NEDD4L: variants seen among roughly 807,000 people sequenced by gnomAD.
NEDD4L encodes E3 ubiquitin-protein ligase NEDD4-like.
In NEDD4L, 54 loss-of-function variants were observed where a neutral mutation model predicts 148.9. That is an observed-to-expected ratio of 0.36 (90% CI 0.29 to 0.45). The LOEUF is 0.45. Ranked by LOEUF, NEDD4L falls within the 20% of genes least tolerant of loss-of-function variation. The pLI, the probability that NEDD4L is intolerant of heterozygous loss-of-function variation, is 1.00. For missense variants in NEDD4L, 856 were observed against 1,233.8 expected (o/e 0.69, Z 4.59); for synonymous variants, 433 against 440.7 (o/e 0.98, Z 0.22).
intron 2 of NEDD4L, among the ~76,000 whole-genome samples, chr18:58,243,533 C>T (rs2046889957): frequency 1.3e-5 from 2 of 152,074 alleles, no homozygotes; most frequent in South Asian, 2.1e-4. Flanking sequence ...GGAGCGGGGC[C>T]CAGTTATCTG....
intron 2 of NEDD4L, among the ~76,000 whole-genome samples, chr18:58,241,941 C>G (rs1359935114): frequency 6.6e-6 from 1 of 151,912 alleles, no homozygotes; most frequent in Admixed American, 6.5e-5. Flanking sequence ...ATTGAGCTTC[C>G]TAGAGAGTCA....
At chr18:58,082,102 A>ATATATATAT in intron 1 of NEDD4L, among the ~76,000 whole-genome samples, 16 of 48,832 alleles carry the variant, frequency 3.3e-4, no homozygotes, top group Admixed American at 1.0e-3. Context: ...ATATATATAT[A>ATATATATAT]TTTTTTTTTT....
At chr18:58,058,939 C>T (rs898448799) in intron 1 of NEDD4L, among the ~76,000 whole-genome samples, 3 of 152,182 alleles carry the variant, frequency 2.0e-5, no homozygotes, top group African/African-American at 7.2e-5. Context: ...TCCCAAGCAC[C>T]GAATCAGACC....
At position 58,149,646 on chromosome 18, in the gene NEDD4L, A is replaced by G. The variant is rs183283408; in HGVS notation, c.49-16142A>G. On this transcript the variant is annotated intron_variant, in intron 1 of 30. Coordinates refer to ENST00000400345, the MANE Select transcript of NEDD4L (RefSeq NM_001144967.3). ...AAGCTCTCCACATCCACCCATAGTC[A>G]TGATTGTGTTATATGACCTCAAGAT... The G allele has an allele frequency of 5.8e-6, 5 of 859,668 alleles. No homozygotes were observed. In the East Asian group the frequency reaches 1.1e-4, roughly 18 times the overall value. The allele number at this position is 859,668 out of a possible 1,614,324, so 53.3% of individuals were successfully genotyped here.
In NEDD4L at chr18:58,351,043, A is replaced by C; in HGVS notation, c.1706A>C (p.His569Pro). ...HLDGRTFYIDHNSKITQWEDP... is the reference protein window; with the variant it reads ...HLDGRTFYIDPNSKITQWEDP... ...GATGGCCGAACGTTTTATATTGATC[A>C]TAGTAAGTAGGCGCTGTTATGGACA... Residue 569 changes from histidine (H) to proline (P), a missense_variant and splice_region_variant, in exon 18 of 31, where the codon CAT becomes CCT. His to Pro is a moderately conservative substitution (Grantham distance 77). Around this residue, in one of 4 missense-constraint regions of NEDD4L, gnomAD observed 286 missense variants for 531.8 expected, o/e 0.54. Transcript: ENST00000400345. The C allele has an allele frequency of 1.3e-6, 2 of 1,589,608 alleles. No homozygotes were observed. Among genetic ancestry groups the C allele is most frequent in the Non-Finnish European group, 1.7e-6 (2 of 1,166,906 alleles).
intron 30 of NEDD4L, among the ~76,000 whole-genome samples, chr18:58,395,384 C>G (rs9962071): frequency 0.031 from 4,769 of 152,230 alleles, 227 homozygotes; most frequent in East Asian, 0.2. Context: ...GCCCACTGAT[C>G]CGATCCACTT....
At chr18:58,335,616 G>C in intron 13 of NEDD4L, 79 bp downstream of exon 13, 1 of 1,070,426 alleles carries the variant, frequency 9.3e-7, no homozygotes, top group Non-Finnish European at 1.5e-6. Context: ...GTGAATATAC[G>C]CTGTTTTTAA....
At chr18:58,130,627 G>T (rs60946479) in intron 1 of NEDD4L, among the ~76,000 whole-genome samples, 5 of 90,412 alleles carry the variant, frequency 5.5e-5, no homozygotes, top group Admixed American at 1.0e-4. Flanking sequence ...GAACTGTGGC[G>T]GTGTTGGGCT....
intron 2 of NEDD4L, chr18:58,189,999 A>G (rs940077439): frequency 6.6e-6 from 1 of 152,266 alleles, no homozygotes; most frequent in African/African-American, 2.4e-5. Flanking sequence ...CAAACCAAGT[A>G]TTCCAAATCG....
intron 1 of NEDD4L, among the ~76,000 whole-genome samples, chr18:58,128,551 C>T (rs1219964127): frequency 6.6e-6 from 1 of 152,168 alleles, no homozygotes; most frequent in East Asian, 1.9e-4. Flanking sequence ...CAACGTAAAT[C>T]CTGTCCCTTG....
At chr18:58,151,562 G>A (rs1405305000) in intron 1 of NEDD4L, among the ~76,000 whole-genome samples, 1 of 151,268 alleles carries the variant, frequency 6.6e-6, no homozygotes, top group South Asian at 2.1e-4. Flanking sequence ...ATAAAAATAC[G>A]GATACCACCA....
chr18:58,076,187 A>T (rs1301885348), intron 1 of NEDD4L, among the ~76,000 whole-genome samples: 2 of 152,196 alleles, frequency 1.3e-5, no homozygotes, highest in Non-Finnish European at 2.9e-5. Context: ...GAAGCCTACA[A>T]ATATGCAAGC....
intron 2 of NEDD4L, among the ~76,000 whole-genome samples, chr18:58,231,920 A>G (rs940720371): frequency 6.6e-6 from 1 of 152,224 alleles, no homozygotes; most frequent in African/African-American, 2.4e-5. Flanking sequence ...TCGGAAGCAT[A>G]GGGCAAAAGT....
At chr18:58,216,274 G>A (rs1324161530) in intron 2 of NEDD4L, among the ~76,000 whole-genome samples, 1 of 152,118 alleles carries the variant, frequency 6.6e-6, no homozygotes, top group Non-Finnish European at 1.5e-5. Flanking sequence ...GGGGAAGGGA[G>A]AGAGTTCATG....
At chr18:58,206,352 G>A (rs2041988181) in intron 2 of NEDD4L, among the ~76,000 whole-genome samples, 1 of 152,302 alleles carries the variant, frequency 6.6e-6, no homozygotes, top group Non-Finnish European at 1.5e-5. Context: ...TCGCACCACT[G>A]CACTCCAGCC....
intron 1 of NEDD4L, among the ~76,000 whole-genome samples, chr18:58,098,805 T>C (rs1007302584): frequency 6.6e-6 from 1 of 152,192 alleles, no homozygotes; most frequent in African/African-American, 2.4e-5. Context: ...CAGTCATCAC[T>C]CTGTACTTAC....
At chr18:58,143,395 T>C (rs1475001917) in intron 1 of NEDD4L, among the ~76,000 whole-genome samples, 1 of 152,236 alleles carries the variant, frequency 6.6e-6, no homozygotes, top group Non-Finnish European at 1.5e-5. Flanking sequence ...GTAGTATTCC[T>C]AGACATTTCT....
chr18:58,143,163 G>A (rs2033736178), intron 1 of NEDD4L, among the ~76,000 whole-genome samples: 1 of 152,204 alleles, frequency 6.6e-6, no homozygotes, highest in African/African-American at 2.4e-5. Context: ...TGCATCACTG[G>A]CATCACTTCA....
At chr18:58,178,548 T>C (rs2038440813) in intron 2 of NEDD4L, among the ~76,000 whole-genome samples, 1 of 152,256 alleles carries the variant, frequency 6.6e-6, no homozygotes, top group Non-Finnish European at 1.5e-5. Context: ...TTGCCCACTT[T>C]CGCTACGGAA....
Sources: gnomAD v4.1 joint callset for allele counts (sites outside exome capture counted in the v4.1 genomes callset) on GRCh38, gnomAD v4.1.1 for gene constraint, gnomAD v4.1.1 regional missense constraint, MANE v1.5 for transcripts, NCBI Gene and HGNC (gene_info 2026-07-23, HGNC 2026-07-21) for gene names.